The following RBFOX2 variants were observed in gnomAD, a reference collection of about 807,000 sequenced individuals.
RBFOX2 encodes RNA binding fox-1 homolog 2, also known as RNA binding protein fox-1 homolog 2.
Under a neutral mutation model 49.1 loss-of-function variants are expected in RBFOX2, and 10 were observed. The observed-to-expected ratio is 0.20, with a 90% CI of 0.13 to 0.35. RBFOX2 has a LOEUF of 0.35. RBFOX2 is among the 10% of genes least tolerant of loss of function. The pLI, the probability that RBFOX2 is intolerant of heterozygous loss-of-function variation, is 1.00. For missense variants in RBFOX2, 323 were observed against 486.9 expected (o/e 0.66, Z 3.17); for synonymous variants, 183 against 187.4 (o/e 0.98, Z 0.19).
rs199643086 is a variant in RBFOX2 at position 35,761,177 on chromosome 22, T to C, written c.754+25A>G. 37 of 1,598,822 alleles carry C rather than the reference T, an allele frequency of 2.3e-5. No homozygotes were observed. In the East Asian group the frequency reaches 3.8e-4, roughly 16 times the overall value. On this transcript the variant is annotated intron_variant, in intron 8 of 11. Transcript: ENST00000405409. ...GTTCACTCACAACAGTCAAAATCCATGCCAGGCCAACATAGGCTACTTACT... is the reference window on the plus strand; with the variant it reads ...GTTCACTCACAACAGTCAAAATCCACGCCAGGCCAACATAGGCTACTTACT...
chr22:35,868,217 T>A (rs2043913913), intron 1 of RBFOX2, among the ~76,000 whole-genome samples: 1 of 152,118 alleles, frequency 6.6e-6, no homozygotes, highest in Non-Finnish European at 1.5e-5. Context: ...AGGAATGACA[T>A]GCTGTCTCAA....
At chr22:35,843,295 G>C (rs2040746501), upstream of RBFOX2, among the ~76,000 whole-genome samples, 1 of 152,316 alleles carries the variant, frequency 6.6e-6, no homozygotes, top group South Asian at 2.1e-4. Context: ...TGGGCACGAT[G>C]AGATGTCAGC....
chr22:35,834,999 A>C (rs557939876), intron 1 of RBFOX2, among the ~76,000 whole-genome samples: 1 of 152,326 alleles, frequency 6.6e-6, no homozygotes, highest in Admixed American at 6.5e-5. Context: ...GAATAGACAC[A>C]ATACATTGTG....
intron 1 of RBFOX2, among the ~76,000 whole-genome samples, chr22:35,951,809 CTTACA>C (rs375671019): frequency 7.1e-4 from 108 of 152,308 alleles, no homozygotes; most frequent in African/African-American, 2.5e-3. Flanking sequence ...CCAGGTCTGT[CTTACA>C]TTAAAGTCCC....
At chr22:35,829,826 C>T (rs780214178) in intron 1 of RBFOX2, among the ~76,000 whole-genome samples, 31 of 152,118 alleles carry the variant, frequency 2.0e-4, no homozygotes, top group Non-Finnish European at 4.1e-4. Context: ...CTTTCTCTGT[C>T]GTGCCCTTTC....
chr22:35,862,935 C>T (rs1312766214), intron 1 of RBFOX2, among the ~76,000 whole-genome samples: 1 of 152,132 alleles, frequency 6.6e-6, no homozygotes, highest in Non-Finnish European at 1.5e-5. Context: ...TCGTCGTCAT[C>T]ATCATTATCT....
chr22:35,872,422 G>C (rs964183000), intron 1 of RBFOX2, among the ~76,000 whole-genome samples: 1 of 152,170 alleles, frequency 6.6e-6, no homozygotes, highest in African/African-American at 2.4e-5. Flanking sequence ...CTACCTTGTT[G>C]CAAGGACAGA....
At chr22:35,809,819 C>T (rs1951490125) in exon 2 of RBFOX2, 11 of 1,614,070 alleles carry the variant, frequency 6.8e-6, no homozygotes, top group Non-Finnish European at 9.3e-6. Flanking sequence ...AGTTGCTGCT[C>T]TGCTCCCCGT....
intron 1 of RBFOX2, among the ~76,000 whole-genome samples, chr22:35,812,175 C>T (rs769746138): frequency 1.3e-5 from 2 of 151,474 alleles, no homozygotes; most frequent in African/African-American, 2.4e-5. Context: ...GCAGGAGAAT[C>T]GCTTGAACTC....
chr22:35,885,991 G>C (rs2046527559), intron 1 of RBFOX2, among the ~76,000 whole-genome samples: 1 of 151,240 alleles, frequency 6.6e-6, no homozygotes, highest in Non-Finnish European at 1.5e-5. Flanking sequence ...TGAGTAGCTG[G>C]AACTACAGGC....
Position 35,765,103 on chromosome 22 carries a change from A to G in RBFOX2, c.607+320T>C, listed in dbSNP as rs186821534. 4.6e-4 allele frequency among the ~76,000 whole-genome samples: 70 copies of G among 151,474 alleles called. No individual in the cohort carries two copies. The East Asian group carries it at 7.9e-3, about 17-fold the overall frequency. On this transcript the variant is annotated intron_variant, in intron 6 of 11. Transcript: ENST00000405409. ...CAGGGGTATTACGGACAAGTCTAACATATTAGAAAGAGCTACAGCAGCTGA... is the reference window on the plus strand; with the variant it reads ...CAGGGGTATTACGGACAAGTCTAACGTATTAGAAAGAGCTACAGCAGCTGA...
chr22:35,764,112 A>T lies in RBFOX2; in HGVS notation c.607+1311T>A, dbSNP rs1939990274. On this transcript the variant is annotated intron_variant, in intron 6 of 11. Transcript: ENST00000405409. ...GGGAGGCAGTGGTATCATACCGATAAAAGGAGTAAGGAAAAATGCAAATTA... is the reference window on the plus strand; with the variant it reads ...GGGAGGCAGTGGTATCATACCGATATAAGGAGTAAGGAAAAATGCAAATTA... Among the ~76,000 whole-genome samples, 3 of 152,222 alleles carry T rather than the reference A, an allele frequency of 2.0e-5. 1 individual carries two copies. The highest frequency in any genetic ancestry group is 4.1e-4 in the South Asian group (2 of 4,828).
chr22:35,992,076 A>G (rs2058006267), intron 1 of RBFOX2, among the ~76,000 whole-genome samples: 1 of 152,168 alleles, frequency 6.6e-6, no homozygotes, highest in South Asian at 2.1e-4. Context: ...TCTATTAAAC[A>G]GCAAAGTCAA....
chr22:35,789,013 T>C (rs1399375151), intron 2 of RBFOX2, among the ~76,000 whole-genome samples: 2 of 152,184 alleles, frequency 1.3e-5, no homozygotes, highest in Non-Finnish European at 2.9e-5. Context: ...ATATAGGTCC[T>C]TAATCTCTTA....
intron 1 of RBFOX2, among the ~76,000 whole-genome samples, chr22:35,937,092 C>G (rs1013752023): frequency 3.3e-5 from 5 of 152,182 alleles, no homozygotes; most frequent in African/African-American, 1.2e-4. Flanking sequence ...GACTGTAGTT[C>G]TCAACCGCAC....
At chr22:35,812,250 A>C (rs1221947445) in intron 1 of RBFOX2, among the ~76,000 whole-genome samples, 2 of 150,936 alleles carry the variant, frequency 1.3e-5, no homozygotes, top group Non-Finnish European at 2.9e-5. Flanking sequence ...CAACAGAGTG[A>C]GTGAGACTCC....
chr22:35,746,454 C>T lies in RBFOX2; in HGVS notation c.976+19G>A. Reference sequence around the variant, plus strand: ...CAGCTCTCATGCATCCCAAAGCTCACCACTGTCTCTGTACATACCCGTCAC... The same window carrying T: ...CAGCTCTCATGCATCCCAAAGCTCATCACTGTCTCTGTACATACCCGTCAC... On this transcript the variant is annotated intron_variant, in intron 10 of 11. Transcript: ENST00000405409. 3 of 1,547,022 alleles carry T rather than the reference C, an allele frequency of 1.9e-6. No homozygotes were observed. The highest frequency in any genetic ancestry group is 2.6e-6 in the Non-Finnish European group (3 of 1,137,834).
intron 1 of RBFOX2, among the ~76,000 whole-genome samples, chr22:35,985,705 G>A (rs2057676625): frequency 6.6e-6 from 1 of 152,210 alleles, no homozygotes; most frequent in Admixed American, 6.5e-5. Context: ...GGCTCTAAAT[G>A]AAATATCTTC....
intron 1 of RBFOX2, among the ~76,000 whole-genome samples, chr22:36,002,951 C>A (rs1356102175): frequency 6.6e-6 from 1 of 152,202 alleles, no homozygotes; most frequent in East Asian, 1.9e-4. Flanking sequence ...CTAAGCAGCT[C>A]CTACCTTAGT....
Sources: gnomAD v4.1 joint callset for allele counts (sites outside exome capture counted in the v4.1 genomes callset) on GRCh38, gnomAD v4.1.1 for gene constraint, MANE v1.5 for transcripts, NCBI Gene and HGNC (gene_info 2026-07-23, HGNC 2026-07-21) for gene names.